LRMDA: variants seen among roughly 807,000 people sequenced by gnomAD.
LRMDA encodes the protein leucine rich melanocyte differentiation associated, also known as leucine-rich melanocyte differentiation-associated protein.
Under a neutral mutation model 29.8 loss-of-function variants are expected in LRMDA, and 18 were observed. The ratio of observed to expected loss-of-function variants is 0.60; its 90% CI spans 0.42 to 0.90. The LOEUF (loss-of-function observed/expected upper bound fraction) is 0.90, where lower values mean the gene tolerates loss of function less well. Ranked by LOEUF, LRMDA falls within the 40% of genes least tolerant of loss-of-function variation. The pLI, the probability that LRMDA is intolerant of heterozygous loss-of-function variation, is 0.00. For synonymous variants in LRMDA, 125 were observed against 109.4 expected, an observed-to-expected ratio of 1.14 and a Z score of -0.89; for missense variants, 273 against 273.9, an observed-to-expected ratio of 1.00 and a Z score of 0.02.
chr10:76,112,150 G>T (rs1849588876), intron 5 of LRMDA, among the ~76,000 whole-genome samples: 1 of 152,230 alleles, frequency 6.6e-6, no homozygotes, highest in Non-Finnish European at 1.5e-5. Flanking sequence ...GGGGCTGGCA[G>T]CCTGGAGGAG....
intron 6 of LRMDA, among the ~76,000 whole-genome samples, chr10:76,441,593 C>T (rs767303386): frequency 1.8e-4 from 28 of 152,126 alleles, no homozygotes; most frequent in Non-Finnish European, 4.0e-4. Flanking sequence ...CAATAGAGAG[C>T]CCCCTAAAAT....
intron 2 of LRMDA, among the ~76,000 whole-genome samples, chr10:75,615,857 A>G (rs1401954069): frequency 6.6e-6 from 1 of 152,172 alleles, no homozygotes; most frequent in Non-Finnish European, 1.5e-5. Context: ...GTGCCGGATA[A>G]TGGGTGTCAC....
intron 2 of LRMDA, among the ~76,000 whole-genome samples, chr10:75,668,868 T>C (rs1193480342): frequency 6.6e-6 from 1 of 152,184 alleles, no homozygotes; most frequent in African/African-American, 2.4e-5. Context: ...TCAGCAAATA[T>C]GCCTAATGTA....
chr10:75,699,949 C>T (rs1050074183), intron 2 of LRMDA, among the ~76,000 whole-genome samples: 3 of 152,064 alleles, frequency 2.0e-5, no homozygotes, highest in Non-Finnish European at 4.4e-5. Flanking sequence ...GAGTCTACCA[C>T]AAGCCAAGAG....
At chr10:76,211,961 G>A (rs1396951487) in intron 5 of LRMDA, among the ~76,000 whole-genome samples, 1 of 152,126 alleles carries the variant, frequency 6.6e-6, no homozygotes, top group African/African-American at 2.4e-5. Flanking sequence ...TCAAGTTGCT[G>A]TCTCATCACT....
chr10:76,293,418 TGAAACATTTA>T (rs1008719098), intron 5 of LRMDA, among the ~76,000 whole-genome samples: 1 of 152,244 alleles, frequency 6.6e-6, no homozygotes, highest in Non-Finnish European at 1.5e-5. Context: ...GTAATTTTGT[TGAAACATTTA>T]GAAAAATGTG....
intron 5 of LRMDA, among the ~76,000 whole-genome samples, chr10:76,172,166 G>C (rs953002594): frequency 6.6e-6 from 1 of 152,146 alleles, no homozygotes; most frequent in Non-Finnish European, 1.5e-5. Flanking sequence ...ATCTATTCAT[G>C]AGGGATCTGC....
intron 2 of LRMDA, among the ~76,000 whole-genome samples, chr10:75,603,698 G>C (rs1840917207): frequency 6.6e-6 from 1 of 151,968 alleles, no homozygotes; most frequent in African/African-American, 2.4e-5. Context: ...ACCATTCTTG[G>C]GGCTCTAGAT....
chr10:75,580,172 C>A lies in LRMDA; in HGVS notation c.131+141678C>A, dbSNP rs1318187554. Among the ~76,000 whole-genome samples the A allele has an allele frequency of 2.0e-5, 3 of 152,146 alleles. No individual in the cohort carries two copies. In the East Asian group the frequency reaches 5.8e-4, roughly 29 times the overall value. ...TGACATGATTGTACAGTTAGAAAATCCCATTGTCTCAGCCCAAAATCTCCT... is the reference window on the plus strand; with the variant it reads ...TGACATGATTGTACAGTTAGAAAATACCATTGTCTCAGCCCAAAATCTCCT... On this transcript the variant is annotated intron_variant, in intron 2 of 6. Coordinates refer to ENST00000611255, the MANE Select transcript of LRMDA (RefSeq NM_001305581.2).
intron 2 of LRMDA, among the ~76,000 whole-genome samples, chr10:75,867,491 C>G (rs79405147): frequency 0.012 from 1,792 of 152,166 alleles, 46 homozygotes; most frequent in African/African-American, 0.041. Context: ...AACACCAGAG[C>G]GTCTTCATTT....
intron 2 of LRMDA, among the ~76,000 whole-genome samples, chr10:75,507,950 T>C: frequency 6.6e-6 from 1 of 152,202 alleles, no homozygotes; most frequent in Non-Finnish European, 1.5e-5. Context: ...TTGAGCCCTA[T>C]TGATGTGCTA....
In LRMDA at chr10:76,556,237, A is replaced by C. The variant is rs1447425273; in HGVS notation, c.602-972A>C. 3 of 152,330 alleles carry C rather than the reference A, an allele frequency of 2.0e-5. No homozygotes were observed. In the East Asian group the frequency reaches 5.8e-4, roughly 29 times the overall value. The allele number at this position is 152,330 out of a possible 1,614,324, so 9.4% of individuals were successfully genotyped here. On this transcript the variant is annotated intron_variant, in intron 6 of 6. Coordinates refer to ENST00000611255, the MANE Select transcript of LRMDA (RefSeq NM_001305581.2). ...GGAGCCACAGAGTTACTTAAAGTAAAACTGAAAATGGAAATCAAATGCATT... is the reference window on the plus strand; with the variant it reads ...GGAGCCACAGAGTTACTTAAAGTAACACTGAAAATGGAAATCAAATGCATT...
chr10:75,957,283 C>A (rs555104948), intron 2 of LRMDA, among the ~76,000 whole-genome samples: 20 of 152,340 alleles, frequency 1.3e-4, no homozygotes, highest in African/African-American at 4.8e-4. Flanking sequence ...GCCATGTGGT[C>A]TTTGAACCCA....
intron 2 of LRMDA, among the ~76,000 whole-genome samples, chr10:75,799,225 T>A (rs185072667): frequency 6.0e-4 from 91 of 152,324 alleles, no homozygotes; most frequent in African/African-American, 2.2e-3. Context: ...TTTTGTGTCA[T>A]CTGTTTTCAA....
chr10:75,593,794 G>A (rs1463197977), intron 2 of LRMDA, among the ~76,000 whole-genome samples: 1 of 151,616 alleles, frequency 6.6e-6, no homozygotes, highest in Non-Finnish European at 1.5e-5. Context: ...CAGCTCTCCC[G>A]CCTTGCCCCT....
intron 2 of LRMDA, among the ~76,000 whole-genome samples, chr10:75,754,002 G>C (rs1278422459): frequency 6.6e-6 from 1 of 152,206 alleles, no homozygotes; most frequent in Non-Finnish European, 1.5e-5. Context: ...GGTGAATTAC[G>C]GCTATGGGAA....
chr10:75,839,142 C>T (rs573445426), intron 2 of LRMDA, among the ~76,000 whole-genome samples: 44 of 152,330 alleles, frequency 2.9e-4, no homozygotes, highest in African/African-American at 9.9e-4. Context: ...AAGAGCGAAA[C>T]AGGCCAGTGG....
At chr10:75,919,602 A>C (rs562232043) in intron 2 of LRMDA, among the ~76,000 whole-genome samples, 4 of 152,164 alleles carry the variant, frequency 2.6e-5, no homozygotes, top group Admixed American at 1.3e-4. Flanking sequence ...TTTGGATCCA[A>C]GGAATCTCAG....
chr10:76,434,487 A>G (rs1288985581), intron 6 of LRMDA, among the ~76,000 whole-genome samples: 1 of 152,164 alleles, frequency 6.6e-6, no homozygotes, highest in Admixed American at 6.5e-5. Context: ...AACTGAGGTT[A>G]CACAGAATGT....
Sources: allele counts gnomAD v4.1 joint callset (sites outside exome capture counted in the v4.1 genomes callset), GRCh38; gene constraint gnomAD v4.1.1; transcripts MANE v1.5; gene names NCBI Gene and HGNC (gene_info 2026-07-23, HGNC 2026-07-21).